MGLL: variants seen among roughly 807,000 people sequenced by gnomAD.
MGLL encodes the protein monoglyceride lipase, also known as lysophospholipase homolog.
Under a neutral mutation model 29.1 loss-of-function variants are expected in MGLL, and 7 were observed. That is an observed-to-expected ratio of 0.24 (90% CI 0.14 to 0.45). The LOEUF (loss-of-function observed/expected upper bound fraction) is 0.45. MGLL is among the 20% of genes least tolerant of loss of function. The pLI is 0.99. For missense variants in MGLL, 356 were observed against 413.6 expected (o/e 0.86, Z 1.21); for synonymous variants, 148 against 168.3 (o/e 0.88, Z 0.93).
intron 2 of MGLL, among the ~76,000 whole-genome samples, chr3:127,784,319 T>C (rs2077177993): frequency 6.6e-6 from 1 of 152,278 alleles, no homozygotes; most frequent in Non-Finnish European, 1.5e-5. Flanking sequence ...TTAGAAAAGC[T>C]CCCCAGTGGC....
intron 6 of MGLL, among the ~76,000 whole-genome samples, chr3:127,708,542 T>C (rs2075647915): frequency 6.6e-6 from 1 of 152,236 alleles, no homozygotes; most frequent in South Asian, 2.1e-4. Context: ...TGCTTTTAAA[T>C]AGAGAGGGTT....
chr3:127,715,179 C>G (rs1163934598), intron 5 of MGLL, among the ~76,000 whole-genome samples: 1 of 152,180 alleles, frequency 6.6e-6, no homozygotes, highest in African/African-American at 2.4e-5. Context: ...GCCCTGGCAT[C>G]AGGGCCTTTT....
intron 2 of MGLL, among the ~76,000 whole-genome samples, chr3:127,817,214 C>T (rs2077773301): frequency 6.6e-6 from 1 of 152,202 alleles, no homozygotes; most frequent in Non-Finnish European, 1.5e-5. Flanking sequence ...GAACAAAATG[C>T]TAAACAGAGA....
At chr3:127,742,417 C>T (rs1041102885) in intron 3 of MGLL, among the ~76,000 whole-genome samples, 1 of 151,900 alleles carries the variant, frequency 6.6e-6, no homozygotes, top group African/African-American at 2.4e-5. Flanking sequence ...TGGTGAAACC[C>T]CATCTCTACT....
At chr3:127,802,431 C>T (rs2077494428) in intron 2 of MGLL, among the ~76,000 whole-genome samples, 1 of 152,246 alleles carries the variant, frequency 6.6e-6, no homozygotes, top group African/African-American at 2.4e-5. Flanking sequence ...CTCTCCCACA[C>T]TTTCCCATCC....
In MGLL at chr3:127,729,267, T is replaced by G. The variant is rs141466413; in HGVS notation, c.263-6701A>C. Among the ~76,000 whole-genome samples, 796 of 152,350 alleles carry G rather than the reference T, an allele frequency of 5.2e-3. 6 individuals are homozygous for G. Among genetic ancestry groups the G allele is most frequent in the African/African-American group, 0.018 (754 of 41,576 alleles). ...GAATTCAGCCATATTTTCTGTGACT[T>G]ATATTTCTTTTGCAGTGAAATATAC... On this transcript the variant is annotated intron_variant, in intron 3 of 7. Coordinates refer to ENST00000265052, the MANE Select transcript of MGLL (RefSeq NM_007283.7).
intron 3 of MGLL, among the ~76,000 whole-genome samples, chr3:127,770,351 T>A (rs970441424): frequency 5.3e-5 from 8 of 152,140 alleles, no homozygotes; most frequent in African/African-American, 1.2e-4. Context: ...ACATTTTTTT[T>A]AAGTGAATCC....
At chr3:127,733,978 T>C (rs1442330932) in intron 3 of MGLL, among the ~76,000 whole-genome samples, 1 of 152,160 alleles carries the variant, frequency 6.6e-6, no homozygotes, top group Non-Finnish European at 1.5e-5. Flanking sequence ...TCGTACAGCG[T>C]AGAGCGTTGT....
chr3:127,812,426 G>A (rs1324916529), intron 2 of MGLL, among the ~76,000 whole-genome samples: 1 of 152,068 alleles, frequency 6.6e-6, no homozygotes, highest in Non-Finnish European at 1.5e-5. Context: ...AAATCTCCTT[G>A]ACATGGAACT....
chr3:127,763,880 T>C (rs2076810471), intron 3 of MGLL, among the ~76,000 whole-genome samples: 5 of 152,140 alleles, frequency 3.3e-5, no homozygotes, highest in African/African-American at 1.2e-4. Flanking sequence ...CCGTAGTCAT[T>C]ACACCCACCT....
At chr3:127,753,801 G>C (rs1309121209) in intron 3 of MGLL, among the ~76,000 whole-genome samples, 6 of 152,178 alleles carry the variant, frequency 3.9e-5, no homozygotes, top group Admixed American at 3.3e-4. Flanking sequence ...CTGAATCAAG[G>C]CCACACAGCT....
chr3:127,732,312 G>C (rs2076166301), intron 3 of MGLL, among the ~76,000 whole-genome samples: 4 of 152,194 alleles, frequency 2.6e-5, no homozygotes, highest in Admixed American at 2.6e-4. Flanking sequence ...TTGTGAGGTA[G>C]GGATTCTTTC....
intron 3 of MGLL, 134 bp from the exon 4 acceptor site, chr3:127,722,700 C>T (rs1045550661): frequency 8.1e-7 from 1 of 1,232,334 alleles, no homozygotes; most frequent in East Asian, 2.5e-5. Context: ...CCTTTCCAGC[C>T]ACTCTTGAAC....
intron 6 of MGLL, among the ~76,000 whole-genome samples, chr3:127,700,797 A>G (rs2075464275): frequency 6.6e-6 from 1 of 152,170 alleles, no homozygotes; most frequent in Non-Finnish European, 1.5e-5. Flanking sequence ...TCATTCAGTG[A>G]ATGGCCTTTC....
At chr3:127,694,597 A>T (rs981812366) in intron 7 of MGLL, among the ~76,000 whole-genome samples, 3 of 151,964 alleles carry the variant, frequency 2.0e-5, no homozygotes, top group Admixed American at 6.6e-5. Flanking sequence ...CTCCCGAGCT[A>T]CTGCAGCTAC....
intron 2 of MGLL, among the ~76,000 whole-genome samples, chr3:127,798,262 G>A (rs532301471): frequency 1.3e-5 from 2 of 152,146 alleles, no homozygotes; most frequent in South Asian, 4.1e-4. Flanking sequence ...AGGAAAGCAG[G>A]AGCCTGTTCA....
chr3:127,753,740 T>C (rs1559946610), intron 3 of MGLL, among the ~76,000 whole-genome samples: 1 of 152,220 alleles, frequency 6.6e-6, no homozygotes, highest in Non-Finnish European at 1.5e-5. Context: ...GCAGGAGATG[T>C]TCCATCTACA....
chr3:127,809,126 C>A (rs1405152842), intron 2 of MGLL, among the ~76,000 whole-genome samples: 2 of 152,160 alleles, frequency 1.3e-5, no homozygotes, highest in Admixed American at 6.5e-5. Context: ...AAGCACTATG[C>A]CCACAAAGGC....
chr3:127,732,408 G>T (rs2107642666), intron 3 of MGLL, among the ~76,000 whole-genome samples: 1 of 152,342 alleles, frequency 6.6e-6, no homozygotes, highest in Non-Finnish European at 1.5e-5. Flanking sequence ...GGAGGGACTT[G>T]AGTACAGGGT....
Sources: allele counts gnomAD v4.1 joint callset (sites outside exome capture counted in the v4.1 genomes callset), GRCh38; gene constraint gnomAD v4.1.1; transcripts MANE v1.5; gene names NCBI Gene and HGNC (gene_info 2026-07-23, HGNC 2026-07-21).